The following TMEM135 variants were observed in gnomAD, a reference collection of about 807,000 sequenced individuals.
TMEM135 encodes transmembrane protein 135.
A neutral mutation model predicts 60.3 loss-of-function variants in TMEM135; 30 were observed. The ratio of observed to expected loss-of-function variants is 0.50; its 90% CI spans 0.37 to 0.68. The LOEUF (loss-of-function observed/expected upper bound fraction) is 0.68, where lower values mean the gene tolerates loss of function less well. Ranked by LOEUF, TMEM135 falls within the 30% of genes least tolerant of loss-of-function variation. The pLI is 0.00. For synonymous variants in TMEM135, 190 were observed against 186.7 expected (o/e 1.02, Z -0.14); for missense variants, 468 against 548.8 (o/e 0.85, Z 1.47).
At chr11:87,229,823 A>T (rs1350829696) in intron 5 of TMEM135, among the ~76,000 whole-genome samples, 1 of 152,170 alleles carries the variant, frequency 6.6e-6, no homozygotes, top group Non-Finnish European at 1.5e-5. Context: ...AACATTCTAT[A>T]AAAGTCCAAA....
rs183687580 is a variant in TMEM135, at chr11:87,119,127, A to T, written c.396+27732A>T. On this transcript the variant is annotated intron_variant, in intron 4 of 14. Transcript: ENST00000305494. ...TAGCTCTGGCCTATCTTGGCTTTCA[A>T]CATGCTTTCCTCACTAAGCTTAATT... Among the ~76,000 whole-genome samples the T allele has an allele frequency of 6.1e-3, 934 of 152,298 alleles. 16 individuals carry two copies. Among genetic ancestry groups the T allele is most frequent in the Middle Eastern group, 0.01 (3 of 294 alleles).
chr11:87,098,575 A>G (rs1460900528), intron 4 of TMEM135, among the ~76,000 whole-genome samples: 1 of 152,116 alleles, frequency 6.6e-6, no homozygotes, highest in Non-Finnish European at 1.5e-5. Flanking sequence ...ATCTACTTTA[A>G]AATGATAAAC....
At chr11:87,185,586 G>A (rs1462836001) in intron 5 of TMEM135, among the ~76,000 whole-genome samples, 1 of 151,986 alleles carries the variant, frequency 6.6e-6, no homozygotes, top group Non-Finnish European at 1.5e-5. Context: ...TATCTGGTTG[G>A]CTTTGTTTGT....
At chr11:87,268,498 T>C (rs1339407893) in intron 6 of TMEM135, among the ~76,000 whole-genome samples, 1 of 152,092 alleles carries the variant, frequency 6.6e-6, no homozygotes, top group African/African-American at 2.4e-5. Context: ...AATGATTGCA[T>C]TTTAGATGAC....
intron 4 of TMEM135, among the ~76,000 whole-genome samples, chr11:87,128,691 C>T (rs376407859): frequency 9.6e-4 from 146 of 152,200 alleles, no homozygotes; most frequent in African/African-American, 3.3e-3. Context: ...CTTTGGAAAA[C>T]GGTTTGTTAC....
intron 6 of TMEM135, among the ~76,000 whole-genome samples, chr11:87,243,454 T>A (rs879809514): frequency 6.6e-5 from 8 of 122,094 alleles, no homozygotes; most frequent in African/African-American, 2.6e-4. Context: ...AGTATGGCCA[T>A]TTTCACGATA....
intron 6 of TMEM135, among the ~76,000 whole-genome samples, chr11:87,246,960 G>GT (rs1433113225): frequency 3.5e-5 from 5 of 142,458 alleles, no homozygotes; most frequent in African/African-American, 1.3e-4. Context: ...TTTCTGTTCT[G>GT]TTTTTTCCCC....
intron 5 of TMEM135, among the ~76,000 whole-genome samples, chr11:87,160,885 G>A (rs1181330753): frequency 1.3e-5 from 2 of 152,030 alleles, no homozygotes; most frequent in Non-Finnish European, 2.9e-5. Context: ...AAGCTGGAAA[G>A]GAGATCATTT....
chr11:87,216,476 T>G (rs543732168), intron 5 of TMEM135, among the ~76,000 whole-genome samples: 1 of 152,260 alleles, frequency 6.6e-6, no homozygotes, highest in African/African-American at 2.4e-5. Context: ...TCCCAGAGTT[T>G]TGCAGAGCCT....
intron 1 of TMEM135, among the ~76,000 whole-genome samples, chr11:87,066,833 T>C (rs1347425675): frequency 1.4e-5 from 2 of 147,462 alleles, no homozygotes; most frequent in Non-Finnish European, 3.0e-5. Context: ...CAGGCTAGAG[T>C]GCAGTGGCAC....
intron 4 of TMEM135, among the ~76,000 whole-genome samples, chr11:87,131,341 A>AATCCCCTGTACTCTACCTATTC (rs150087331): frequency 6.6e-6 from 1 of 151,742 alleles, no homozygotes; most frequent in Non-Finnish European, 1.5e-5. Context: ...CTGCCCTGAA[A>AATCCCCTGTACTCTACCTATTC]ATCCCTTGCA....
intron 7 of TMEM135, among the ~76,000 whole-genome samples, chr11:87,298,787 A>AAAAAAAAAAAAC (rs1942392759): frequency 1.1e-4 from 4 of 37,032 alleles, no homozygotes; most frequent in Non-Finnish European, 2.7e-4. Context: ...ACTCTGTCTC[A>AAAAAAAAAAAAC]AAAAAAAAAA....
chr11:87,093,309 C>T (rs1159270043), intron 4 of TMEM135, among the ~76,000 whole-genome samples: 8 of 151,968 alleles, frequency 5.3e-5, no homozygotes, highest in East Asian at 1.9e-4. Flanking sequence ...AACTCCTGGG[C>T]GCAAGCAATC....
At position 87,326,932 on chromosome 11, in the gene TMEM135, A is replaced by G. The variant is rs746757894; in HGVS notation, c.*5599A>G. On this transcript the variant is annotated 3_prime_UTR_variant, in exon 15 of 15. Coordinates refer to ENST00000305494, the MANE Select transcript of TMEM135 (RefSeq NM_022918.4). Reference sequence around the variant, plus strand: ...GGACCTTTTTTTTTTTTTTTTTTTCACTAAAACGCTTCCTATAACTTGGAT... The same window carrying G: ...GGACCTTTTTTTTTTTTTTTTTTTCGCTAAAACGCTTCCTATAACTTGGAT... 8.0e-6 allele frequency: 3 copies of G among 376,952 alleles called. No individual in the cohort carries two copies. In the African/African-American group the frequency reaches 8.2e-5, roughly 10 times the overall value. The allele number at this position is 376,952 out of a possible 1,614,324, so 23.4% of individuals were successfully genotyped here. A position where few individuals can be genotyped will look rare whatever the true frequency, so the allele number is the denominator to read the frequency against.
intron 3 of TMEM135, among the ~76,000 whole-genome samples, chr11:87,080,587 T>G (rs968990470): frequency 1.3e-5 from 2 of 152,238 alleles, no homozygotes; most frequent in Non-Finnish European, 2.9e-5. Flanking sequence ...TTGTTACCAT[T>G]TCTTCATGAT....
chr11:87,202,949 C>T (rs1028621204), intron 5 of TMEM135, among the ~76,000 whole-genome samples: 3 of 138,770 alleles, frequency 2.2e-5, no homozygotes, highest in Middle Eastern at 3.6e-3. Flanking sequence ...AGGAGAATGG[C>T]GTGAACCCGG....
At chr11:87,096,522 C>T (rs1273201864) in intron 4 of TMEM135, 1 of 152,274 alleles carries the variant, frequency 6.6e-6, no homozygotes, top group Non-Finnish European at 1.5e-5. Context: ...TTATTGATCA[C>T]ATATGCTTTA....
At chr11:87,068,511 A>G (rs1856709343) in intron 2 of TMEM135, among the ~76,000 whole-genome samples, 2 of 152,222 alleles carry the variant, frequency 1.3e-5, no homozygotes, top group African/African-American at 2.4e-5. Flanking sequence ...TTTAACTGCA[A>G]TTAAAAGTAT....
chr11:87,143,350 T>TTTTC (rs903631828), intron 4 of TMEM135, among the ~76,000 whole-genome samples: 2 of 149,714 alleles, frequency 1.3e-5, no homozygotes, highest in Non-Finnish European at 3.0e-5. Flanking sequence ...CATTGACTTC[T>TTTTC]TTTCTTTCTT....
Sources: gnomAD v4.1 joint callset for allele counts (sites outside exome capture counted in the v4.1 genomes callset) on GRCh38, gnomAD v4.1.1 for gene constraint, MANE v1.5 for transcripts, NCBI Gene and HGNC (gene_info 2026-07-23, HGNC 2026-07-21) for gene names.